ZC3H12B: variants seen among roughly 807,000 people sequenced by gnomAD.
ZC3H12B encodes probable ribonuclease ZC3H12B.
ZC3H12B carries 7 observed loss-of-function variants against 43.9 expected under a neutral mutation model. That is an observed-to-expected ratio of 0.16 (90% CI 0.09 to 0.30). ZC3H12B has a LOEUF of 0.30. Ranked by LOEUF, ZC3H12B falls within the 10% of genes least tolerant of loss-of-function variation. The pLI, the probability that ZC3H12B is intolerant of heterozygous loss-of-function variation, is 1.00. For synonymous variants in ZC3H12B, 222 were observed against 241.7 expected (o/e 0.92, Z 0.76); for missense variants, 475 against 670.2 (o/e 0.71, Z 3.22).
chrX:65,214,292 A>G, the ZC3H12B span, among the ~76,000 whole-genome samples: 1 of 111,848 alleles, frequency 8.9e-6, no homozygotes, highest in Non-Finnish European at 1.9e-5. Context: ...TGTAAAATTT[A>G]TCTGTAGCAT....
At chrX:65,125,948 A>G in the ZC3H12B span, among the ~76,000 whole-genome samples, 1 of 110,629 alleles carries the variant, frequency 9.0e-6, no homozygotes, top group African/African-American at 3.3e-5. Flanking sequence ...TTTAAATGGA[A>G]CATTTAGGCC....
At chrX:65,132,956 T>C in the ZC3H12B span, among the ~76,000 whole-genome samples, 1 of 111,459 alleles carries the variant, frequency 9.0e-6, no homozygotes, top group East Asian at 2.9e-4. Context: ...GGGCCAGAGT[T>C]CCAGGGGCTC....
At chrX:65,257,551 T>C in the ZC3H12B span, among the ~76,000 whole-genome samples, 1 of 110,539 alleles carries the variant, frequency 9.0e-6, no homozygotes, top group Non-Finnish European at 1.9e-5. Flanking sequence ...TGTATACCTA[T>C]GTAACAAACC....
chrX:65,272,620 A>G, the ZC3H12B span: 2 of 111,998 alleles, frequency 1.8e-5, no homozygotes, highest in East Asian at 5.6e-4. Flanking sequence ...TAAATGCTCC[A>G]TTTATGATGC....
At chrX:65,261,442 G>A in the ZC3H12B span, among the ~76,000 whole-genome samples, 1 of 111,139 alleles carries the variant, frequency 9.0e-6, no homozygotes, top group Non-Finnish European at 1.9e-5. Flanking sequence ...TTCCACTGAT[G>A]ATTCTGTAAG....
chrX:65,141,598 G>C, the ZC3H12B span, among the ~76,000 whole-genome samples: 1 of 109,695 alleles, frequency 9.1e-6, no homozygotes, highest in East Asian at 2.8e-4. Flanking sequence ...GTGATGATTT[G>C]TGAGATTTTG....
intron 3 of ZC3H12B, among the ~76,000 whole-genome samples, chrX:65,441,231 T>A (rs1290817662): frequency 8.9e-6 from 1 of 111,840 alleles, no homozygotes; most frequent in East Asian, 2.8e-4. Flanking sequence ...TAGTCCCAGG[T>A]TGTCCATCAG....
chrX:65,484,269 G>A (rs758369612), upstream of ZC3H12B, among the ~76,000 whole-genome samples: 1 of 111,027 alleles, frequency 9.0e-6, no homozygotes, highest in South Asian at 3.8e-4. Flanking sequence ...TTAATACCTG[G>A]GTGATGAAAT....
chrX:65,370,391 C>T (rs1195668906), intron 2 of ZC3H12B, among the ~76,000 whole-genome samples: 1 of 111,246 alleles, frequency 9.0e-6, no homozygotes, highest in African/African-American at 3.3e-5. Flanking sequence ...GTTTTCTCAT[C>T]TGTAACATGA....
the ZC3H12B span, among the ~76,000 whole-genome samples, chrX:65,098,411 A>G: frequency 9.0e-6 from 1 of 111,443 alleles, no homozygotes; most frequent in Admixed American, 9.6e-5. Flanking sequence ...ACTGACTGAT[A>G]GGGGATAAAG....
the ZC3H12B span, among the ~76,000 whole-genome samples, chrX:65,202,078 TATA>T: frequency 1.1e-5 from 1 of 90,128 alleles, no homozygotes; most frequent in Non-Finnish European, 2.2e-5. Context: ...ATATATTACA[TATA>T]ATATATGTAA....
chrX:65,154,590 C>T, the ZC3H12B span, among the ~76,000 whole-genome samples: 2 of 112,086 alleles, frequency 1.8e-5, no homozygotes, highest in Admixed American at 9.5e-5. Flanking sequence ...CACCATTGGC[C>T]GTGTGGCGGT....
the ZC3H12B span, among the ~76,000 whole-genome samples, chrX:65,236,185 G>A: frequency 8.9e-6 from 1 of 111,988 alleles, no homozygotes; most frequent in African/African-American, 3.2e-5. Flanking sequence ...GCTCTATCTG[G>A]AACAGGCAGC....
intron 3 of ZC3H12B, among the ~76,000 whole-genome samples, chrX:65,422,354 A>G (rs759008087): frequency 9.0e-6 from 1 of 111,477 alleles, no homozygotes; most frequent in African/African-American, 3.3e-5. Flanking sequence ...AGGAGACACA[A>G]TATCGATTAG....
the ZC3H12B span, among the ~76,000 whole-genome samples, chrX:65,127,668 G>T: frequency 1.6e-3 from 178 of 111,077 alleles, 2 homozygotes; most frequent in Admixed American, 3.9e-3. Context: ...GTATGTCTCA[G>T]CTCAGCCTCT....
At chrX:65,230,827 A>G in the ZC3H12B span, among the ~76,000 whole-genome samples, 664 of 111,666 alleles carry the variant, frequency 5.9e-3, 6 homozygotes, top group African/African-American at 0.02. Context: ...ATGAACATCA[A>G]AAATTTTTCT....
chrX:65,367,931 G>A (rs2066194624), intron 1 of ZC3H12B, among the ~76,000 whole-genome samples: 1 of 111,025 alleles, frequency 9.0e-6, no homozygotes, highest in Non-Finnish European at 1.9e-5. Context: ...AATCTTTAAG[G>A]AATGGAAAAA....
chrX:65,176,937 G>A, the ZC3H12B span, among the ~76,000 whole-genome samples: 1 of 112,032 alleles, frequency 8.9e-6, no homozygotes, highest in Non-Finnish European at 1.9e-5. Flanking sequence ...TATGAGGCCA[G>A]TGTCATCCTG....
At chrX:65,049,648 A>G in the ZC3H12B span, among the ~76,000 whole-genome samples, 1 of 111,345 alleles carries the variant, frequency 9.0e-6, no homozygotes, top group Non-Finnish European at 1.9e-5. Flanking sequence ...TGTTTTGGCT[A>G]TTGGGAGTCC....
Sources: gnomAD v4.1 joint callset for allele counts (sites outside exome capture counted in the v4.1 genomes callset) on GRCh38, gnomAD v4.1.1 for gene constraint, MANE v1.5 for transcripts, NCBI Gene and HGNC (gene_info 2026-07-23, HGNC 2026-07-21) for gene names.